RIN2: variants seen among roughly 807,000 people sequenced by gnomAD.
The protein encoded by RIN2 is Ras and Rab interactor 2.
Under a neutral mutation model 78.0 loss-of-function variants are expected in RIN2, and 36 were observed. The observed-to-expected ratio is 0.46, with a 90% confidence interval of 0.35 to 0.61. RIN2 has a LOEUF of 0.61. RIN2 is among the 20% of genes least tolerant of loss of function. RIN2 has a pLI of 0.00. For synonymous variants in RIN2, 466 were observed against 466.8 expected, an observed-to-expected ratio of 1.00 and a Z score of 0.02; for missense variants, 1,087 against 1,159.7, an observed-to-expected ratio of 0.94 and a Z score of 0.91.
chr20:19,861,016 G>A (rs1335404160), intron 2 of RIN2, among the ~76,000 whole-genome samples: 9 of 152,086 alleles, frequency 5.9e-5, no homozygotes, highest in African/African-American at 9.7e-5. Context: ...GATAACATTC[G>A]GTCAGGTCTA....
At chr20:19,765,869 G>A (rs1568732022) in intron 1 of RIN2, among the ~76,000 whole-genome samples, 1 of 152,044 alleles carries the variant, frequency 6.6e-6, no homozygotes, top group Non-Finnish European at 1.5e-5. Flanking sequence ...CATCCTCATG[G>A]ATGGCAAGAC....
At chr20:19,864,263 G>A (rs913708614) in intron 2 of RIN2, among the ~76,000 whole-genome samples, 1 of 152,172 alleles carries the variant, frequency 6.6e-6, no homozygotes, top group Admixed American at 6.5e-5. Context: ...CTGGAGTGAG[G>A]AGTTAACAGC....
At chr20:19,805,226 A>C (rs886091812) in intron 2 of RIN2, among the ~76,000 whole-genome samples, 1 of 152,096 alleles carries the variant, frequency 6.6e-6, no homozygotes, top group Non-Finnish European at 1.5e-5. Flanking sequence ...ACAATGAGGG[A>C]GTAGGGAGTG....
chr20:19,860,964 C>T (rs2037315345), intron 2 of RIN2, among the ~76,000 whole-genome samples: 1 of 152,160 alleles, frequency 6.6e-6, no homozygotes, highest in African/African-American at 2.4e-5. Context: ...CAAATTAAAG[C>T]CAGGGCAAAG....
intron 2 of RIN2, among the ~76,000 whole-genome samples, chr20:19,845,024 G>A (rs1324253498): frequency 1.3e-5 from 2 of 151,988 alleles, no homozygotes; most frequent in Non-Finnish European, 2.9e-5. Context: ...GAGAATGATG[G>A]TTTCCAGCTT....
At chr20:19,978,851 A>C (rs2042362652) in intron 9 of RIN2, among the ~76,000 whole-genome samples, 1 of 152,240 alleles carries the variant, frequency 6.6e-6, no homozygotes, top group African/African-American at 2.4e-5. Flanking sequence ...TGCTTTAATA[A>C]GAAGTGTGCA....
At chr20:19,769,910 T>C (rs1182431516) in intron 1 of RIN2, among the ~76,000 whole-genome samples, 1 of 152,132 alleles carries the variant, frequency 6.6e-6, no homozygotes, top group Non-Finnish European at 1.5e-5. Context: ...CAATAAACAA[T>C]AAAAATAATT....
chr20:19,921,016 T>C (rs1490861088), intron 3 of RIN2, among the ~76,000 whole-genome samples: 1 of 152,170 alleles, frequency 6.6e-6, no homozygotes, highest in Non-Finnish European at 1.5e-5. Context: ...TGTTTGTTTT[T>C]TAATAAAAAC....
At position 20,000,700 on chromosome 20, in the gene RIN2, G is replaced by T; in HGVS notation, c.2452G>T (p.Val818Leu). The T allele has an allele frequency of 6.2e-7, 1 of 1,613,998 alleles. No individual in the cohort carries two copies. The highest frequency in any genetic ancestry group is 8.5e-7 in the Non-Finnish European group (1 of 1,179,862). ...GAGACCTTACATCACCACTGAGGATGTGTGTCAGATCTGCGCTGAGAAGTT... is the reference window on the plus strand; with the variant it reads ...GAGACCTTACATCACCACTGAGGATTTGTGTCAGATCTGCGCTGAGAAGTT... The part of the protein sequence containing the change: ...LVRPYITTED[V>L]CQICAEKFKV... The change falls in exon 13 of 13, where the codon GTG (valine) becomes TTG (leucine). Residue 818 changes from valine to leucine, a missense_variant. Transcript: ENST00000255006.
chr20:20,000,274 G>A (rs867258722), intron 12 of RIN2, among the ~76,000 whole-genome samples: 3 of 152,272 alleles, frequency 2.0e-5, no homozygotes, highest in Middle Eastern at 3.4e-3. Context: ...ATTTGGTTTA[G>A]TTTTCAAGCT....
intron 3 of RIN2, among the ~76,000 whole-genome samples, chr20:19,919,327 C>G (rs1004963672): frequency 6.6e-6 from 1 of 152,194 alleles, no homozygotes; most frequent in African/African-American, 2.4e-5. Context: ...AATATTTGAC[C>G]TATACACCTG....
chr20:19,771,199 C>G (rs192311530), intron 1 of RIN2, among the ~76,000 whole-genome samples: 245 of 152,180 alleles, frequency 1.6e-3, no homozygotes, highest in African/African-American at 5.6e-3. Context: ...ACCTTCAGCC[C>G]CTCTCCTGTC....
intron 2 of RIN2, among the ~76,000 whole-genome samples, chr20:19,878,398 T>C (rs1298987129): frequency 6.6e-6 from 1 of 152,094 alleles, no homozygotes; most frequent in Non-Finnish European, 1.5e-5. Context: ...ACATGAAGGA[T>C]GGGGTATCCA....
chr20:19,937,394 G>A (rs1343801552), intron 4 of RIN2, among the ~76,000 whole-genome samples: 1 of 152,204 alleles, frequency 6.6e-6, no homozygotes, highest in Non-Finnish European at 1.5e-5. Flanking sequence ...TGCAGGAAAT[G>A]CACCGCCGTC....
intron 4 of RIN2, among the ~76,000 whole-genome samples, chr20:19,940,317 A>G (rs189807825): frequency 6.6e-6 from 1 of 152,326 alleles, no homozygotes; most frequent in East Asian, 1.9e-4. Flanking sequence ...CAAGCCCCTT[A>G]GTGATTTTAA....
At chr20:19,828,800 C>T (rs980797030) in intron 2 of RIN2, among the ~76,000 whole-genome samples, 5 of 152,156 alleles carry the variant, frequency 3.3e-5, no homozygotes, top group African/African-American at 1.2e-4. Flanking sequence ...TTCTGCAGAG[C>T]TGATCATTTC....
At chr20:19,929,562 AT>A in intron 3 of RIN2, among the ~76,000 whole-genome samples, 1 of 152,074 alleles carries the variant, frequency 6.6e-6, no homozygotes, top group East Asian at 1.9e-4. Flanking sequence ...GGATTTTATC[AT>A]GTTGGCGAGG....
At chr20:19,880,988 G>A (rs536261216) in intron 2 of RIN2, among the ~76,000 whole-genome samples, 50 of 152,266 alleles carry the variant, frequency 3.3e-4, no homozygotes, top group Non-Finnish European at 5.7e-4. Context: ...GAAATATTTC[G>A]TGTCCTACTA....
At chr20:19,805,967 T>C (rs1164871520) in intron 2 of RIN2, among the ~76,000 whole-genome samples, 1 of 152,178 alleles carries the variant, frequency 6.6e-6, no homozygotes, top group Non-Finnish European at 1.5e-5. Context: ...GAACATGCAG[T>C]GTTTGGTTTT....
Sources: gnomAD v4.1 joint callset for allele counts (sites outside exome capture counted in the v4.1 genomes callset) on GRCh38, gnomAD v4.1.1 for gene constraint, MANE v1.5 for transcripts, NCBI Gene and HGNC (gene_info 2026-07-23, HGNC 2026-07-21) for gene names.